The following KIAA0825 variants were observed in gnomAD, a reference collection of about 807,000 sequenced individuals.
KIAA0825 encodes the protein KIAA0825, also known as uncharacterized protein KIAA0825.
A neutral mutation model predicts 147.6 loss-of-function variants in KIAA0825; 119 were observed. The observed-to-expected ratio is 0.81, with a 90% CI of 0.69 to 0.94. The LOEUF is 0.94. Ranked by LOEUF, KIAA0825 falls within the 40% of genes least tolerant of loss-of-function variation. The pLI, the probability that KIAA0825 is intolerant of heterozygous loss-of-function variation, is 0.00. For missense variants in KIAA0825, 1,381 were observed against 1,472.7 expected (o/e 0.94, Z 1.02); for synonymous variants, 470 against 518.1 (o/e 0.91, Z 1.26).
chr5:94,522,131 T>C (rs967366977), intron 4 of KIAA0825, among the ~76,000 whole-genome samples: 6 of 151,732 alleles, frequency 4.0e-5, no homozygotes, highest in African/African-American at 4.8e-5. Context: ...AAACCCAATT[T>C]ACACACAAGG....
intron 20 of KIAA0825, among the ~76,000 whole-genome samples, chr5:94,300,749 T>C (rs1778360396): frequency 6.6e-6 from 1 of 152,226 alleles, no homozygotes; most frequent in South Asian, 2.1e-4. Flanking sequence ...CTAAATGTGC[T>C]TCCAAGTGTA....
At chr5:94,206,295 G>A (rs549621128) in intron 20 of KIAA0825, among the ~76,000 whole-genome samples, 3 of 152,026 alleles carry the variant, frequency 2.0e-5, no homozygotes, top group African/African-American at 4.8e-5. Flanking sequence ...ACTGTGTCAC[G>A]TTTTTGAAGT....
At chr5:94,439,854 C>T in intron 14 of KIAA0825, 128 bp downstream of exon 14, 2 of 956,336 alleles carry the variant, frequency 2.1e-6, no homozygotes, top group Non-Finnish European at 3.0e-6. Context: ...TGCTGCTAAC[C>T]CAGCTGAATG....
chr5:94,179,696 T>G (rs762745511), intron 20 of KIAA0825, among the ~76,000 whole-genome samples: 41 of 151,830 alleles, frequency 2.7e-4, no homozygotes, highest in Middle Eastern at 3.4e-3. Flanking sequence ...CATCTGAAAG[T>G]AAGGAAGTAA....
chr5:94,292,241 G>A (rs925092980), intron 20 of KIAA0825, among the ~76,000 whole-genome samples: 6 of 152,044 alleles, frequency 3.9e-5, no homozygotes, highest in Admixed American at 6.5e-5. Context: ...ACTGGCTGTC[G>A]GTTTGTCATA....
At position 94,434,127 on chromosome 5, in the gene KIAA0825, T is replaced by G. The variant is rs188515522; in HGVS notation, c.2497+5855A>C. Among the ~76,000 whole-genome samples, 23 of 152,308 alleles carry G rather than the reference T, an allele frequency of 1.5e-4. No homozygotes were observed. The South Asian group carries it at 2.1e-3, about 14-fold the overall frequency. ...CCTGCAGATTTAAGATGACCTAACT[T>G]AAAACCAAGAAACATTACCTTCTCC... On this transcript the variant is annotated intron_variant, in intron 14 of 20. Coordinates refer to ENST00000682413, the MANE Select transcript of KIAA0825 (RefSeq NM_001145678.3).
At chr5:94,278,761 C>T (rs1005182346) in intron 20 of KIAA0825, among the ~76,000 whole-genome samples, 1 of 152,042 alleles carries the variant, frequency 6.6e-6, no homozygotes, top group African/African-American at 2.4e-5. Context: ...TTGAAATGTA[C>T]CTTTTTCAGA....
At chr5:94,405,331 C>T (rs1400000456) in intron 15 of KIAA0825, among the ~76,000 whole-genome samples, 4 of 152,050 alleles carry the variant, frequency 2.6e-5, no homozygotes, top group Non-Finnish European at 4.4e-5. Flanking sequence ...GTTTTTCAGG[C>T]TACTGTTAAG....
chr5:94,516,494 T>C (rs890973811), intron 5 of KIAA0825, among the ~76,000 whole-genome samples: 1 of 152,120 alleles, frequency 6.6e-6, no homozygotes, highest in African/African-American at 2.4e-5. Flanking sequence ...AAGACAGAAA[T>C]AATGTAACCA....
At chr5:94,417,454 A>G in intron 14 of KIAA0825, 89 bp from the exon 15 acceptor site, 3 of 993,876 alleles carry the variant, frequency 3.0e-6, no homozygotes, top group South Asian at 4.5e-5. Flanking sequence ...CACTAGCATA[A>G]TGCTGTGGAA....
At chr5:94,237,431 G>A (rs1775110929) in intron 20 of KIAA0825, among the ~76,000 whole-genome samples, 1 of 152,192 alleles carries the variant, frequency 6.6e-6, no homozygotes, top group Non-Finnish European at 1.5e-5. Flanking sequence ...GCTGCAATGA[G>A]GGTGCAAGCT....
At chr5:94,282,673 A>C (rs913935859) in intron 20 of KIAA0825, among the ~76,000 whole-genome samples, 106 of 152,094 alleles carry the variant, frequency 7.0e-4, no homozygotes, top group Non-Finnish European at 7.4e-5. Flanking sequence ...TTGTGTTCTC[A>C]GTTTCATCCT....
At chr5:94,156,642 A>G (rs1767054177) in intron 20 of KIAA0825, among the ~76,000 whole-genome samples, 1 of 152,208 alleles carries the variant, frequency 6.6e-6, no homozygotes, top group African/African-American at 2.4e-5. Flanking sequence ...AAGCTTCATG[A>G]CAATTATAGG....
In KIAA0825 at chr5:94,364,543, G is replaced by A. The variant is rs184934765; in HGVS notation, c.3710+19825C>T. Among the ~76,000 whole-genome samples, 442 of 151,956 alleles carry A rather than the reference G, an allele frequency of 2.9e-3. 2 individuals are homozygous for A. Among genetic ancestry groups the A allele is most frequent in the African/African-American group, 0.01 (431 of 41,436 alleles). On this transcript the variant is annotated intron_variant, in intron 20 of 20. Transcript: ENST00000682413. ...ACTACAGGCACCTGACACCACGCCC[G>A]GCTAATTTTTTTGTATTTTTAGTAG...
intron 20 of KIAA0825, among the ~76,000 whole-genome samples, chr5:94,167,423 A>G (rs1768150597): frequency 6.6e-6 from 1 of 152,182 alleles, no homozygotes; most frequent in African/African-American, 2.4e-5. Flanking sequence ...TCTCTAAAGT[A>G]GTTAAATAGC....
chr5:94,415,533 G>A (rs1049492925), intron 15 of KIAA0825: 6 of 152,074 alleles, frequency 3.9e-5, no homozygotes, highest in African/African-American at 1.4e-4. Flanking sequence ...AGACTTAAAT[G>A]GGAGAGAAAA....
intron 15 of KIAA0825, among the ~76,000 whole-genome samples, chr5:94,408,744 T>C (rs1752396864): frequency 6.6e-6 from 1 of 152,122 alleles, no homozygotes; most frequent in African/African-American, 2.4e-5. Flanking sequence ...ATGTAAAACA[T>C]TTTTCACCAT....
At chr5:94,611,014 T>C (rs796142947) in intron 1 of KIAA0825, among the ~76,000 whole-genome samples, 98 of 152,022 alleles carry the variant, frequency 6.4e-4, no homozygotes, top group African/African-American at 2.3e-3. Context: ...TGCTAGTTGC[T>C]AGAAACAACT....
At chr5:94,546,417 C>G (rs909521247) in intron 2 of KIAA0825, among the ~76,000 whole-genome samples, 5 of 151,982 alleles carry the variant, frequency 3.3e-5, no homozygotes, top group Non-Finnish European at 7.4e-5. Flanking sequence ...AGGCAAGACC[C>G]AGCGCTGTGC....
Sources: allele counts gnomAD v4.1 joint callset (sites outside exome capture counted in the v4.1 genomes callset), GRCh38; gene constraint gnomAD v4.1.1; transcripts MANE v1.5; gene names NCBI Gene and HGNC (gene_info 2026-07-23, HGNC 2026-07-21).